Variants in DOP1B observed in about 807,000 individuals in gnomAD.
DOP1B encodes protein DOP1B.
In DOP1B, 174 loss-of-function variants were observed where a neutral mutation model predicts 233.5. The observed-to-expected ratio is 0.75, with a 90% CI of 0.66 to 0.85. The LOEUF (loss-of-function observed/expected upper bound fraction) is 0.85, where lower values mean the gene tolerates loss of function less well. Among genes scored for constraint, DOP1B ranks in the 40% least tolerant of loss-of-function variants. The pLI, the probability that DOP1B is intolerant of heterozygous loss-of-function variation, is 0.00. For synonymous variants in DOP1B, 1,190 were observed against 1,185.6 expected (o/e 1.00, Z -0.08); for missense variants, 2,652 against 2,846.6 (o/e 0.93, Z 1.56).
At position 36,282,651 on chromosome 21, in the gene DOP1B, A is replaced by G. The variant is rs182453734; in HGVS notation, c.6160+1040A>G. Among the ~76,000 whole-genome samples the G allele has an allele frequency of 9.9e-5, 15 of 151,896 alleles. 1 individual carries two copies. The highest frequency in any genetic ancestry group is 7.9e-4 in the Admixed American group (12 of 15,238). ...ATTTTTCCTTAACAATTTTTTTTTC[A>G]TCCCCACTACATTCTTTGACTGCAT... On this transcript the variant is annotated intron_variant, in intron 32 of 36. Coordinates refer to ENST00000691173, the MANE Select transcript of DOP1B (RefSeq NM_001320714.2).
intron 2 of DOP1B, among the ~76,000 whole-genome samples, chr21:36,177,977 T>C (rs2066051265): frequency 6.6e-6 from 1 of 151,808 alleles, no homozygotes; most frequent in South Asian, 2.1e-4. Context: ...CTACACTATA[T>C]AAATTCTCCC....
chr21:36,194,548 A>G lies in DOP1B; in HGVS notation c.139-4522A>G, dbSNP rs200308657. Among the ~76,000 whole-genome samples, 4 of 140,506 alleles carry G rather than the reference A, an allele frequency of 2.8e-5. No homozygotes were observed. The East Asian group carries it at 8.5e-4, about 30-fold the overall frequency. 92.2% of individuals were successfully genotyped at this position (140,506 alleles called of 152,430 possible). A position where few individuals can be genotyped will look rare whatever the true frequency, so the allele number is the denominator to read the frequency against. On this transcript the variant is annotated intron_variant, in intron 2 of 36. Transcript: ENST00000691173. Reference sequence around the variant, plus strand: ...GTCACTCAGGCTGGAGTTCAGTGGCACAATCTCGACTCTCTCCAACCTCCA... The same window carrying G: ...GTCACTCAGGCTGGAGTTCAGTGGCGCAATCTCGACTCTCTCCAACCTCCA...
At chr21:36,185,766 C>T (rs1051325252) in intron 2 of DOP1B, among the ~76,000 whole-genome samples, 14 of 152,112 alleles carry the variant, frequency 9.2e-5, no homozygotes, top group African/African-American at 2.4e-4. Flanking sequence ...GGAAAGTAGG[C>T]GTTAGTGGCA....
chr21:36,268,068 T>C (rs1236620483), intron 26 of DOP1B, among the ~76,000 whole-genome samples: 1 of 152,096 alleles, frequency 6.6e-6, no homozygotes, highest in African/African-American at 2.4e-5. Flanking sequence ...GAAAACAGCG[T>C]TGGAGAGCAG....
chr21:36,211,189 G>T (rs34231483), intron 5 of DOP1B, among the ~76,000 whole-genome samples: 5,754 of 152,312 alleles, frequency 0.038, 131 homozygotes, highest in South Asian at 0.07. Context: ...ATTCAGAAAA[G>T]ACACTCAGAA....
At chr21:36,261,744 C>A in intron 24 of DOP1B, 1 of 785,624 alleles carries the variant, frequency 1.3e-6, no homozygotes, top group Non-Finnish European at 1.5e-6. Flanking sequence ...CCTATGTCTA[C>A]TAAAACTACA....
Position 36,239,891 on chromosome 21 carries a change from G to A in DOP1B, c.3003G>A (p.Leu1001=), listed in dbSNP as rs2066873510. ...DVARILEPVL[L]LLLQPKTQRT... is the part of the protein sequence containing the mutation. Reference sequence around the variant, plus strand: ...CTCGCATCCTCGAACCCGTGCTCCTGCTGCTGCTGCAGCCAAAAACCCAGA... The same window carrying A: ...CTCGCATCCTCGAACCCGTGCTCCTACTGCTGCTGCAGCCAAAAACCCAGA... Residue 1001 remains leucine (L), a synonymous_variant, in exon 18 of 37, where the codon CTG becomes CTA. Coordinates refer to ENST00000691173, the MANE Select transcript of DOP1B (RefSeq NM_001320714.2). The A allele has an allele frequency of 9.3e-6, 15 of 1,605,280 alleles. No homozygotes were observed. Among genetic ancestry groups the A allele is most frequent in the Non-Finnish European group, 1.3e-5 (15 of 1,177,496 alleles).
chr21:36,160,139 ATAAT>A (rs1209409487), intron 1 of DOP1B, among the ~76,000 whole-genome samples: 8 of 68,174 alleles, frequency 1.2e-4, no homozygotes, highest in South Asian at 4.1e-4. Context: ...AAAAATAATA[ATAAT>A]AATAATAATA....
At chr21:36,163,897 G>A (rs2065888196) in intron 1 of DOP1B, among the ~76,000 whole-genome samples, 1 of 152,224 alleles carries the variant, frequency 6.6e-6, no homozygotes, top group Non-Finnish European at 1.5e-5. Context: ...ACAGGTGCAA[G>A]ATGTAGCTTC....
In DOP1B at chr21:36,207,073, T is replaced by C. The variant is rs568434391; in HGVS notation, c.492-1642T>C. Among the ~76,000 whole-genome samples the C allele has an allele frequency of 9.4e-4, 143 of 152,224 alleles. No homozygotes were observed. In the Middle Eastern group the frequency reaches 0.014, roughly 14 times the overall value. Reference sequence around the variant, plus strand: ...GCCAACCTGGAGTCACTTGCTCAAATAGGCACTGGGGCTGTGACAGCAAAC... The same window carrying C: ...GCCAACCTGGAGTCACTTGCTCAAACAGGCACTGGGGCTGTGACAGCAAAC... On this transcript the variant is annotated intron_variant, in intron 4 of 36. Transcript: ENST00000691173.
intron 11 of DOP1B, 25 bp downstream of exon 11, chr21:36,223,375 G>C: frequency 3.8e-6 from 6 of 1,596,862 alleles, no homozygotes; most frequent in East Asian, 2.3e-5. Flanking sequence ...CAAGAATGCA[G>C]AATATTTAGG....
At position 36,230,912 on chromosome 21, in the gene DOP1B, A is replaced by C. The variant is rs370996759; in HGVS notation, c.2128A>C (p.Lys710Gln). ...AGCACGAGGGTCTCCATTCAAGACA[A>C]AAAGTTCAGAGTCACCATCGTCTTC... is the stretch of plus-strand genomic sequence containing the variant. ...FTARGSPFKT[K>Q]SSESPSSSPS... Residue 710 changes from lysine (K) to glutamine (Q), a missense_variant, in exon 14 of 37, where the codon AAA (lysine) becomes CAA (glutamine). Coordinates refer to ENST00000691173, the MANE Select transcript of DOP1B (RefSeq NM_001320714.2). 23 of 1,614,046 alleles carry C rather than the reference A, an allele frequency of 1.4e-5. No homozygotes were observed. Among genetic ancestry groups the C allele is most frequent in the Non-Finnish European group, 1.8e-5 (21 of 1,180,038 alleles).
At chr21:36,162,756 G>A (rs2065879604) in intron 1 of DOP1B, among the ~76,000 whole-genome samples, 3 of 151,970 alleles carry the variant, frequency 2.0e-5, no homozygotes, top group Admixed American at 1.3e-4. Flanking sequence ...TGTTGGCCAG[G>A]CTGGTCTCAA....
chr21:36,175,956 T>G (rs372892290), intron 2 of DOP1B: 1 of 152,404 alleles, frequency 6.6e-6, no homozygotes, highest in African/African-American at 2.4e-5. Flanking sequence ...ACCTGTCACC[T>G]GTTTACAAAG....
At chr21:36,193,503 A>G (rs888777259) in intron 2 of DOP1B, among the ~76,000 whole-genome samples, 3 of 152,108 alleles carry the variant, frequency 2.0e-5, no homozygotes, top group Non-Finnish European at 4.4e-5. Flanking sequence ...TGATCTCCCT[A>G]GGCTTTATGA....
intron 15 of DOP1B, 87 bp from the exon 16 acceptor site, chr21:36,237,175 C>A: frequency 1.3e-6 from 2 of 1,549,570 alleles, no homozygotes; most frequent in South Asian, 1.2e-5. Flanking sequence ...TCCAGTATGT[C>A]GGGGCTGGGA....
intron 2 of DOP1B, among the ~76,000 whole-genome samples, chr21:36,198,591 C>T (rs1011003126): frequency 3.3e-5 from 5 of 152,202 alleles, no homozygotes; most frequent in African/African-American, 4.8e-5. Flanking sequence ...TTCCCGCAGA[C>T]GTGTCGTGTA....
At chr21:36,157,671 A>G (rs980697002) in intron 1 of DOP1B, among the ~76,000 whole-genome samples, 1 of 152,206 alleles carries the variant, frequency 6.6e-6, no homozygotes, top group African/African-American at 2.4e-5. Flanking sequence ...TTCCAGTACA[A>G]TTTAATTGCC....
chr21:36,169,518 C>A, intron 2 of DOP1B: 1 of 1,122,712 alleles, frequency 8.9e-7, no homozygotes. Flanking sequence ...CCCTTGGTCA[C>A]CCCGATGATG....
Sources: gnomAD v4.1 joint callset for allele counts (sites outside exome capture counted in the v4.1 genomes callset) on GRCh38, gnomAD v4.1.1 for gene constraint, MANE v1.5 for transcripts, NCBI Gene and HGNC (gene_info 2026-07-23, HGNC 2026-07-21) for gene names.